Variants in GNG2 observed in about 807,000 individuals in gnomAD.
GNG2 encodes guanine nucleotide-binding protein G(I)/G(S)/G(O) subunit gamma-2.
In GNG2, 5 loss-of-function variants were observed where a neutral mutation model predicts 5.5. That is an observed-to-expected ratio of 0.91 (90% CI 0.48 to 1.92). The LOEUF is 1.92. Ranked by LOEUF, GNG2 falls within the 30% of genes most tolerant of loss-of-function variation. The pLI is 0.01. For missense variants in GNG2, 55 were observed against 88.4 expected, an observed-to-expected ratio of 0.62 and a Z score of 1.52; for synonymous variants, 28 against 32.0, an observed-to-expected ratio of 0.88 and a Z score of 0.42.
intron 1 of GNG2, among the ~76,000 whole-genome samples, chr14:51,863,246 C>A (rs1882645645): frequency 6.6e-6 from 1 of 152,174 alleles, no homozygotes; most frequent in African/African-American, 2.4e-5. Flanking sequence ...TGGAGCCAGG[C>A]AGATCTGCCT....
chr14:51,871,072 A>G (rs902071590), intron 1 of GNG2, among the ~76,000 whole-genome samples: 4 of 151,490 alleles, frequency 2.6e-5, no homozygotes, highest in African/African-American at 9.7e-5. Flanking sequence ...AGAACCATAT[A>G]AGAAAAATTG....
chr14:51,917,364 G>A lies in GNG2; in HGVS notation c.-29-33286G>A, dbSNP rs747447723. On this transcript the variant is annotated intron_variant, in intron 2 of 3. Coordinates refer to ENST00000556766, the MANE Select transcript of GNG2 (RefSeq NM_053064.5). ...CCCAAGTGTAAAGCACAAGAAAATCGCATCCCATTTGTCAGACAGCAACGA... is the reference window on the plus strand; with the variant it reads ...CCCAAGTGTAAAGCACAAGAAAATCACATCCCATTTGTCAGACAGCAACGA... 2.2e-5 allele frequency: 10 copies of A among 455,830 alleles called. 1 individual carries two copies. Among genetic ancestry groups the A allele is most frequent in the South Asian group, 1.1e-4 (7 of 64,558 alleles). 28.2% of individuals were successfully genotyped at this position (455,830 alleles called of 1,614,324 possible).
intron 2 of GNG2, among the ~76,000 whole-genome samples, chr14:51,908,736 A>ATTTTTTTT (rs3030340): frequency 0.061 from 5,495 of 89,676 alleles, 859 homozygotes; most frequent in East Asian, 0.26. Context: ...CACCCAGCTA[A>ATTTTTTTT]TTTTTTTTTT....
chr14:51,949,271 T>C lies in GNG2; in HGVS notation c.-29-1379T>C, dbSNP rs965650577. Among the ~76,000 whole-genome samples, 15 of 151,258 alleles carry C rather than the reference T, an allele frequency of 9.9e-5. No individual in the cohort carries two copies. The South Asian group carries it at 2.5e-3, about 26-fold the overall frequency. ...GTATGTTACAGAGAGTTATACCTAA[T>C]TTCTTCTTTTGTCTTGAAGAACTGG... On this transcript the variant is annotated intron_variant, in intron 2 of 3. Transcript: ENST00000556766.
chr14:51,851,221 C>T (rs1022516764), intron 2 of GNG2, among the ~76,000 whole-genome samples: 9 of 152,204 alleles, frequency 5.9e-5, no homozygotes, highest in South Asian at 4.1e-4. Context: ...GCTTATAAAA[C>T]AGGTTCCCTT....
intron 1 of GNG2, among the ~76,000 whole-genome samples, chr14:51,876,784 G>A (rs928695958): frequency 2.6e-5 from 4 of 152,002 alleles, no homozygotes; most frequent in Non-Finnish European, 5.9e-5. Flanking sequence ...ACTGATGTTC[G>A]TTTGGCCCTA....
chr14:51,961,590 A>G (rs1290164338), intron 3 of GNG2, among the ~76,000 whole-genome samples: 1 of 152,230 alleles, frequency 6.6e-6, no homozygotes, highest in Non-Finnish European at 1.5e-5. Flanking sequence ...AATTTCTGTG[A>G]AAGAGAAGAA....
intron 3 of GNG2, among the ~76,000 whole-genome samples, chr14:51,951,216 T>C (rs1288033912): frequency 6.6e-6 from 1 of 152,204 alleles, no homozygotes; most frequent in East Asian, 1.9e-4. Context: ...CTTTATACTT[T>C]ATTGAATTTT....
At chr14:51,865,355 T>C (rs1882805780) in intron 1 of GNG2, among the ~76,000 whole-genome samples, 1 of 152,152 alleles carries the variant, frequency 6.6e-6, no homozygotes, top group South Asian at 2.1e-4. Context: ...ATGATGACTA[T>C]GTTAATTAGC....
intron 2 of GNG2, among the ~76,000 whole-genome samples, chr14:51,895,238 A>T (rs1806395662): frequency 6.6e-6 from 1 of 152,212 alleles, no homozygotes; most frequent in African/African-American, 2.4e-5. Context: ...CAAATAAAAA[A>T]TTGGATAGCT....
chr14:51,836,675 T>C (rs897978777), intron 2 of GNG2, among the ~76,000 whole-genome samples: 33 of 151,930 alleles, frequency 2.2e-4, no homozygotes, highest in Admixed American at 2.2e-3. Context: ...CTCCTTCCCC[T>C]ACTCCATTCT....
intron 2 of GNG2, among the ~76,000 whole-genome samples, chr14:51,929,795 G>A (rs917323132): frequency 1.3e-5 from 2 of 152,140 alleles, no homozygotes; most frequent in African/African-American, 4.8e-5. Flanking sequence ...TGAGGCTGGC[G>A]TCGAGAGAAG....
rs577651516 is a variant in GNG2 at position 51,872,517 on chromosome 14, T to C, written c.-70-5100T>C. Among the ~76,000 whole-genome samples the C allele has an allele frequency of 1.5e-4, 23 of 152,302 alleles. No homozygotes were observed. The South Asian group carries it at 2.9e-3, about 19-fold the overall frequency. ...TTGAGGGAGTCCACTGTGATGCCGA[T>C]GTTAGGACTCTGAACTGCAGGCCTG... On this transcript the variant is annotated intron_variant, in intron 1 of 3. Coordinates refer to ENST00000556766, the MANE Select transcript of GNG2 (RefSeq NM_053064.5).
At chr14:51,929,768 A>G (rs1304760338) in intron 2 of GNG2, among the ~76,000 whole-genome samples, 3 of 152,182 alleles carry the variant, frequency 2.0e-5, no homozygotes, top group Non-Finnish European at 2.9e-5. Flanking sequence ...GGTAGGGTGG[A>G]ACACACAAGG....
At chr14:51,891,478 T>G (rs1187572969) in intron 2 of GNG2, among the ~76,000 whole-genome samples, 1 of 152,226 alleles carries the variant, frequency 6.6e-6, no homozygotes, top group East Asian at 1.9e-4. Flanking sequence ...TATTAAAGAC[T>G]GTTAGTAGAA....
intron 2 of GNG2, among the ~76,000 whole-genome samples, chr14:51,831,830 A>G (rs749043509): frequency 3.3e-5 from 5 of 152,256 alleles, no homozygotes; most frequent in African/African-American, 4.8e-5. Context: ...ATGAAGTCTC[A>G]TAAAGTGATA....
rs557755525 is a variant in GNG2, at chr14:51,886,060, C to G, written c.-30+8403C>G. Among the ~76,000 whole-genome samples, 24 of 152,278 alleles carry G rather than the reference C, an allele frequency of 1.6e-4. No homozygotes were observed. The South Asian group carries it at 4.8e-3, about 30-fold the overall frequency. ...GCCATTTAGGCAGTTTTTATTGTAG[C>G]AAGCATCTCTTTCTTTATATTTTAT... On this transcript the variant is annotated intron_variant, in intron 2 of 3. Transcript: ENST00000556766.
intron 2 of GNG2, among the ~76,000 whole-genome samples, chr14:51,831,480 C>T (rs1881186831): frequency 6.6e-6 from 1 of 152,190 alleles, no homozygotes; most frequent in Non-Finnish European, 1.5e-5. Flanking sequence ...GCAAGGGGGA[C>T]AGCCTTGATC....
intron 2 of GNG2, among the ~76,000 whole-genome samples, chr14:51,852,355 T>C (rs1048706158): frequency 6.6e-6 from 1 of 152,202 alleles, no homozygotes; most frequent in Non-Finnish European, 1.5e-5. Flanking sequence ...TATATGCAAA[T>C]AAGATTTATT....
Sources: allele counts gnomAD v4.1 joint callset (sites outside exome capture counted in the v4.1 genomes callset), GRCh38; gene constraint gnomAD v4.1.1; transcripts MANE v1.5; gene names NCBI Gene and HGNC (gene_info 2026-07-23, HGNC 2026-07-21).